Variants in GPHN observed in about 807,000 individuals in gnomAD.
GPHN encodes gephyrin.
In GPHN, 17 loss-of-function variants were observed where a neutral mutation model predicts 95.5. The observed-to-expected ratio is 0.18, with a 90% CI of 0.12 to 0.27. The LOEUF (loss-of-function observed/expected upper bound fraction) is 0.27, where lower values mean the gene tolerates loss of function less well. Ranked by LOEUF, GPHN falls within the 10% of genes least tolerant of loss-of-function variation. GPHN has a pLI of 1.00. For missense variants in GPHN, 660 were observed against 978.1 expected, an observed-to-expected ratio of 0.67 and a Z score of 4.34; for synonymous variants, 320 against 322.5, an observed-to-expected ratio of 0.99 and a Z score of 0.08.
chr14:67,507,001 A>T, the GPHN span, among the ~76,000 whole-genome samples: 1 of 152,108 alleles, frequency 6.6e-6, no homozygotes. Flanking sequence ...AAAGGAAAGA[A>T]AGAAAAAGAA....
intron 18 of GPHN, among the ~76,000 whole-genome samples, chr14:67,149,043 G>T (rs1032591642): frequency 2.6e-5 from 4 of 151,770 alleles, no homozygotes; most frequent in Non-Finnish European, 5.9e-5. Context: ...ATAAAACAAC[G>T]CATTGAAAAT....
At chr14:67,188,187 C>T in the GPHN span, among the ~76,000 whole-genome samples, 4 of 152,176 alleles carry the variant, frequency 2.6e-5, no homozygotes, top group Non-Finnish European at 4.4e-5. Flanking sequence ...TAATTGCTCA[C>T]GGACCTCACT....
intron 10 of GPHN, 132 bp from the exon 11 acceptor site, chr14:67,058,517 G>T: frequency 1.3e-6 from 1 of 787,086 alleles, no homozygotes. Context: ...TTGGAGGCAG[G>T]AGAAACAGTT....
At chr14:67,644,310 GTAT>G in the GPHN span, among the ~76,000 whole-genome samples, 2 of 152,114 alleles carry the variant, frequency 1.3e-5, no homozygotes, top group African/African-American at 4.8e-5. Context: ...CACAGGCCAA[GTAT>G]TATTATTATC....
At chr14:67,727,526 A>G in the GPHN span, 1 of 326,424 alleles carries the variant, frequency 3.1e-6, no homozygotes, top group Admixed American at 5.1e-5. Flanking sequence ...CTTGTCGCCC[A>G]GGCTGGAGTG....
At chr14:66,974,398 A>G (rs1221141211) in intron 9 of GPHN, among the ~76,000 whole-genome samples, 1 of 151,968 alleles carries the variant, frequency 6.6e-6, no homozygotes, top group Non-Finnish European at 1.5e-5. Context: ...CATTATAATG[A>G]TAATTGAAAA....
chr14:67,305,072 T>G, the GPHN span, among the ~76,000 whole-genome samples: 1 of 152,200 alleles, frequency 6.6e-6, no homozygotes, highest in Non-Finnish European at 1.5e-5. Flanking sequence ...AAATATAGTT[T>G]GTCTTTGAAT....
At chr14:67,177,377 G>A (rs2083050202) in intron 21 of GPHN, among the ~76,000 whole-genome samples, 1 of 152,190 alleles carries the variant, frequency 6.6e-6, no homozygotes, top group African/African-American at 2.4e-5. Context: ...TTTCCATGTA[G>A]TTGTGTGGTT....
At chr14:66,938,647 A>G (rs959290894) in intron 8 of GPHN, among the ~76,000 whole-genome samples, 3 of 152,184 alleles carry the variant, frequency 2.0e-5, no homozygotes, top group African/African-American at 7.2e-5. Flanking sequence ...AAGTATTAGT[A>G]CTTTGAAGTA....
intron 1 of GPHN, among the ~76,000 whole-genome samples, chr14:66,606,300 A>T (rs2062531697): frequency 6.6e-6 from 1 of 151,992 alleles, no homozygotes; most frequent in South Asian, 2.1e-4. Context: ...TCAGATGGTT[A>T]TGGGTGTATG....
intron 1 of GPHN, among the ~76,000 whole-genome samples, chr14:66,663,836 T>TC (rs1328890589): frequency 1.3e-5 from 2 of 152,144 alleles, no homozygotes; most frequent in African/African-American, 4.8e-5. Context: ...GCAATCCTGT[T>TC]CTGACAAAAC....
chr14:67,735,092 A>G, the GPHN span: 1 of 743,262 alleles, frequency 1.3e-6, no homozygotes, highest in Non-Finnish European at 2.5e-6. Flanking sequence ...CGGGAAGCTG[A>G]GCAGCAAAGA....
At chr14:67,537,772 A>G in the GPHN span, among the ~76,000 whole-genome samples, 1 of 152,066 alleles carries the variant, frequency 6.6e-6, no homozygotes, top group South Asian at 2.1e-4. Flanking sequence ...TCTGATACAG[A>G]CTCTGAGTCT....
intron 3 of GPHN, among the ~76,000 whole-genome samples, chr14:66,806,739 C>T (rs773279519): frequency 6.6e-6 from 1 of 152,214 alleles, no homozygotes; most frequent in African/African-American, 2.4e-5. Context: ...TTCCTCATCT[C>T]CATCTGAGAC....
intron 8 of GPHN, among the ~76,000 whole-genome samples, chr14:66,939,599 G>A (rs1339228461): frequency 6.6e-6 from 1 of 152,114 alleles, no homozygotes; most frequent in African/African-American, 2.4e-5. Flanking sequence ...TCTGCAAATG[G>A]TGTGGGATTC....
chr14:66,894,962 G>C (rs970895364), intron 5 of GPHN, among the ~76,000 whole-genome samples: 1 of 152,156 alleles, frequency 6.6e-6, no homozygotes, highest in African/African-American at 2.4e-5. Flanking sequence ...ATTCCTCAAG[G>C]ATCTAGAACT....
the GPHN span, among the ~76,000 whole-genome samples, chr14:67,510,007 C>G: frequency 3.0e-5 from 4 of 134,156 alleles, no homozygotes; most frequent in Non-Finnish European, 5.0e-5. Flanking sequence ...GAGAACCCGT[C>G]TCTAAAAAAA....
intron 1 of GPHN, among the ~76,000 whole-genome samples, chr14:66,659,555 A>AT (rs2065514908): frequency 6.7e-6 from 1 of 149,946 alleles, no homozygotes; most frequent in Admixed American, 6.6e-5. Flanking sequence ...CTTTTCTTTC[A>AT]TTTTTTCAGG....
intron 17 of GPHN, among the ~76,000 whole-genome samples, chr14:67,126,989 C>T (rs144775352): frequency 0.016 from 2,444 of 151,544 alleles, 66 homozygotes; most frequent in African/African-American, 0.055. Context: ...AGTAAACTAT[C>T]GCAAGGACAA....
Sources: gnomAD v4.1 joint callset for allele counts (sites outside exome capture counted in the v4.1 genomes callset) on GRCh38, gnomAD v4.1.1 for gene constraint, MANE v1.5 for transcripts, NCBI Gene and HGNC (gene_info 2026-07-23, HGNC 2026-07-21) for gene names.